Variants in SGCZ observed in about 807,000 individuals in gnomAD.
SGCZ encodes the protein sarcoglycan zeta.
A neutral mutation model predicts 41.3 loss-of-function variants in SGCZ; 40 were observed. The ratio of observed to expected loss-of-function variants is 0.97; its 90% confidence interval spans 0.75 to 1.26. SGCZ has a LOEUF of 1.26. Ranked by LOEUF, SGCZ falls within the 50% of genes most tolerant of loss-of-function variation. The pLI, the probability that SGCZ is intolerant of heterozygous loss-of-function variation, is 0.00. For missense variants in SGCZ, 552 were observed against 369.8 expected (o/e 1.49, Z -4.04); for synonymous variants, 206 against 137.5 (o/e 1.50, Z -3.49).
intron 4 of SGCZ, among the ~76,000 whole-genome samples, chr8:14,224,514 A>G (rs1806306071): frequency 6.6e-6 from 1 of 152,330 alleles, no homozygotes; most frequent in Middle Eastern, 3.4e-3. Flanking sequence ...GTCACCATTT[A>G]GTATATATTA....
chr8:14,627,492 A>G (rs1388811773), intron 1 of SGCZ, among the ~76,000 whole-genome samples: 1 of 152,070 alleles, frequency 6.6e-6, no homozygotes, highest in Non-Finnish European at 1.5e-5. Context: ...TATCCTCACA[A>G]AGTCTTATAT....
intron 1 of SGCZ, among the ~76,000 whole-genome samples, chr8:14,651,949 A>T (rs965199782): frequency 2.6e-5 from 4 of 151,106 alleles, no homozygotes; most frequent in Admixed American, 1.3e-4. Context: ...GTTTACATTT[A>T]AAAAAAAAGC....
intron 1 of SGCZ, among the ~76,000 whole-genome samples, chr8:14,835,736 C>T (rs1027762120): frequency 7.9e-5 from 12 of 152,162 alleles, no homozygotes; most frequent in African/African-American, 1.9e-4. Context: ...CTTGGTAACG[C>T]GGGCTGTGTG....
At chr8:14,175,373 T>C (rs1020571512) in intron 4 of SGCZ, among the ~76,000 whole-genome samples, 3 of 151,880 alleles carry the variant, frequency 2.0e-5, no homozygotes, top group African/African-American at 7.3e-5. Context: ...AGTGGAAAAA[T>C]ATGAGTAGAT....
intron 2 of SGCZ, among the ~76,000 whole-genome samples, chr8:14,413,729 T>G (rs1799421538): frequency 6.6e-6 from 1 of 152,028 alleles, no homozygotes; most frequent in African/African-American, 2.4e-5. Flanking sequence ...CTTCTTTGTC[T>G]ATGCTTGCTT....
intron 7 of SGCZ, among the ~76,000 whole-genome samples, chr8:14,093,992 A>C (rs1801767071): frequency 6.6e-6 from 1 of 152,142 alleles, no homozygotes; most frequent in Non-Finnish European, 1.5e-5. Flanking sequence ...GGAATTGTGA[A>C]GTGCATGAAT....
chr8:14,109,029 C>G (rs1802294247), intron 5 of SGCZ, among the ~76,000 whole-genome samples: 1 of 152,080 alleles, frequency 6.6e-6, no homozygotes, highest in African/African-American at 2.4e-5. Context: ...AAGACAAACC[C>G]TCATAGATGT....
At chr8:14,246,568 C>T (rs942268043) in intron 3 of SGCZ, among the ~76,000 whole-genome samples, 3 of 149,474 alleles carry the variant, frequency 2.0e-5, no homozygotes, top group Admixed American at 1.3e-4. Flanking sequence ...GCACATTGTG[C>T]ACATGTACCC....
intron 1 of SGCZ, among the ~76,000 whole-genome samples, chr8:15,168,927 T>C (rs959410625): frequency 2.6e-5 from 4 of 152,172 alleles, no homozygotes; most frequent in African/African-American, 9.7e-5. Flanking sequence ...CTGAAGTTTT[T>C]TTGTCATTCA....
chr8:14,907,971 A>T (rs17120564), intron 1 of SGCZ, among the ~76,000 whole-genome samples: 42,388 of 152,030 alleles, frequency 0.28, 7,862 homozygotes, highest in African/African-American at 0.52. Flanking sequence ...CAGTCTGAAC[A>T]AGGAAAAATT....
chr8:14,812,822 T>A (rs550414258), intron 1 of SGCZ, among the ~76,000 whole-genome samples: 1 of 152,094 alleles, frequency 6.6e-6, no homozygotes, highest in Non-Finnish European at 1.5e-5. Flanking sequence ...GCTTCCACAA[T>A]TATCAAGCAT....
intron 1 of SGCZ, among the ~76,000 whole-genome samples, chr8:14,720,656 G>C (rs747976240): frequency 2.6e-5 from 4 of 151,956 alleles, no homozygotes; most frequent in Non-Finnish European, 5.9e-5. Flanking sequence ...TCACAACCCA[G>C]CCACATTCAT....
intron 1 of SGCZ, among the ~76,000 whole-genome samples, chr8:14,743,210 C>T (rs1365484771): frequency 1.3e-5 from 2 of 151,990 alleles, no homozygotes; most frequent in African/African-American, 4.8e-5. Context: ...ACTTTATAGA[C>T]CGTATCAAAT....
At chr8:14,182,439 C>T (rs78644511) in intron 4 of SGCZ, among the ~76,000 whole-genome samples, 11 of 152,122 alleles carry the variant, frequency 7.2e-5, no homozygotes, top group Non-Finnish European at 1.5e-4. Context: ...CAGGAGGCAG[C>T]GAGGATCTCC....
chr8:15,128,090 T>C (rs369141643), intron 1 of SGCZ, among the ~76,000 whole-genome samples: 7 of 152,218 alleles, frequency 4.6e-5, no homozygotes, highest in African/African-American at 1.2e-4. Context: ...TTTTTAAAGA[T>C]ACCATGTGCC....
At chr8:14,385,033 T>G (rs1804520420) in intron 2 of SGCZ, among the ~76,000 whole-genome samples, 1 of 152,220 alleles carries the variant, frequency 6.6e-6, no homozygotes, top group African/African-American at 2.4e-5. Flanking sequence ...CCCATAGTTT[T>G]CATGATGAAG....
intron 1 of SGCZ, among the ~76,000 whole-genome samples, chr8:14,809,401 T>C (rs1003097640): frequency 1.3e-5 from 2 of 152,104 alleles, no homozygotes; most frequent in African/African-American, 2.4e-5. Flanking sequence ...ATGAAGACAT[T>C]GATAGAAGGA....
At chr8:14,107,119 G>T (rs941438367) in intron 6 of SGCZ, among the ~76,000 whole-genome samples, 1 of 152,020 alleles carries the variant, frequency 6.6e-6, no homozygotes, top group Non-Finnish European at 1.5e-5. Flanking sequence ...GAGAGGCTGA[G>T]GCAGGAGAAT....
intron 1 of SGCZ, among the ~76,000 whole-genome samples, chr8:14,855,993 C>A (rs1212321729): frequency 6.6e-6 from 1 of 152,154 alleles, no homozygotes; most frequent in Non-Finnish European, 1.5e-5. Context: ...TAGTTACCGA[C>A]AATTCAATTC....
Sources: gnomAD v4.1 joint callset for allele counts (sites outside exome capture counted in the v4.1 genomes callset) on GRCh38, gnomAD v4.1.1 for gene constraint, MANE v1.5 for transcripts, NCBI Gene and HGNC (gene_info 2026-07-23, HGNC 2026-07-21) for gene names.